The following SLC26A9 variants were observed in gnomAD, a reference collection of about 807,000 sequenced individuals.
SLC26A9 encodes the protein solute carrier family 26 member 9, also known as anion transporter/exchanger protein 9.
In SLC26A9, 46 loss-of-function variants were observed where a neutral mutation model predicts 87.1. The observed-to-expected ratio is 0.53, with a 90% CI of 0.42 to 0.67. The LOEUF (loss-of-function observed/expected upper bound fraction) is 0.67, where lower values mean the gene tolerates loss of function less well. Ranked by LOEUF, SLC26A9 falls within the 30% of genes least tolerant of loss-of-function variation. SLC26A9 has a pLI of 0.00. For synonymous variants in SLC26A9, 437 were observed against 409.1 expected, an observed-to-expected ratio of 1.07 and a Z score of -0.82; for missense variants, 927 against 1,018.3, an observed-to-expected ratio of 0.91 and a Z score of 1.22.
rs34820138 is a variant in SLC26A9 at position 205,931,465 on chromosome 1, G to GTTTT, written c.552+391_552+394dup. 1.0e-4 allele frequency among the ~76,000 whole-genome samples: 10 copies of GTTTT among 96,010 alleles called. 1 individual carries two copies. The highest frequency in any genetic ancestry group is 3.5e-4 in the African/African-American group (8 of 23,072). The allele number at this position is 96,010 out of a possible 152,430, so 63.0% of individuals were successfully genotyped here. ...GAGGGAGGAGGTGAGCCCTAACTTGGTTTTTTTTTTTTTTTTTTTGAGACG... is the reference window on the plus strand; with the variant it reads ...GAGGGAGGAGGTGAGCCCTAACTTGGTTTTTTTTTTTTTTTTTTTTTTTGAGACG... On this transcript the variant is annotated intron_variant, in intron 5 of 20. Transcript: ENST00000367135.
chr1:205,940,236 C>A (rs575621095), intron 1 of SLC26A9, among the ~76,000 whole-genome samples: 2 of 152,186 alleles, frequency 1.3e-5, no homozygotes, highest in South Asian at 4.1e-4. Flanking sequence ...AGAGGGGAAG[C>A]AAAGAGAAAA....
chr1:205,917,233 T>G, intron 20 of SLC26A9, 50 bp downstream of exon 20: 2 of 1,599,072 alleles, frequency 1.3e-6, no homozygotes. Flanking sequence ...GACCCCATCC[T>G]TCCCCTCTTC....
intron 5 of SLC26A9, among the ~76,000 whole-genome samples, chr1:205,930,803 C>G (rs907691059): frequency 2.0e-5 from 3 of 152,156 alleles, no homozygotes; most frequent in Non-Finnish European, 4.4e-5. Flanking sequence ...ATACCTTGTT[C>G]CTGGTTAAGT....
chr1:205,930,801 T>C (rs1659272468), intron 5 of SLC26A9, among the ~76,000 whole-genome samples: 1 of 152,180 alleles, frequency 6.6e-6, no homozygotes, highest in Admixed American at 6.5e-5. Context: ...GTATACCTTG[T>C]TCCTGGTTAA....
In SLC26A9 at chr1:205,928,551, A is replaced by T. The variant is rs1659174881; in HGVS notation, c.953+276T>A. Among the ~76,000 whole-genome samples, 4 of 152,248 alleles carry T rather than the reference A, an allele frequency of 2.6e-5. No individual in the cohort carries two copies. The South Asian group carries it at 8.3e-4, about 31-fold the overall frequency. On this transcript the variant is annotated intron_variant, in intron 8 of 20. Coordinates refer to ENST00000367135, the MANE Select transcript of SLC26A9 (RefSeq NM_052934.4). ...CATTAGAGCAAGGCAAAGAGCCAGC[A>T]AGCGGCTGTTCAGAGAGGCTTTGTT... is the stretch of plus-strand genomic sequence containing the variant.
rs376565646 is a variant in SLC26A9, at chr1:205,920,103, A to G, written c.2110+73T>C. On this transcript the variant is annotated intron_variant, in intron 18 of 20. Coordinates refer to ENST00000367135, the MANE Select transcript of SLC26A9 (RefSeq NM_052934.4). ...CTCGTTTCCAACCTCCTCACTATTC[A>G]GACCCCACCAACCTGTTCCTACCCC... is the stretch of plus-strand genomic sequence containing the variant. 25 of 1,576,030 alleles carry G rather than the reference A, an allele frequency of 1.6e-5. No homozygotes were observed. The African/African-American group carries it at 2.7e-4, about 17-fold the overall frequency.
intron 12 of SLC26A9, 118 bp from the exon 13 acceptor site, chr1:205,924,607 T>G: frequency 1.3e-6 from 1 of 785,580 alleles, no homozygotes; most frequent in South Asian, 2.0e-5. Flanking sequence ...TCTCTTCTCT[T>G]TTTTTTCTTT....
At position 205,914,502 on chromosome 1, in the gene SLC26A9, G is replaced by C. The variant is rs1053997901; in HGVS notation, c.*855C>G. 5.1e-6 allele frequency: 1 copy of C among 196,342 alleles called. No individual in the cohort carries two copies. The highest frequency in any genetic ancestry group is 1.1e-5 in the Non-Finnish European group (1 of 94,688). 12.2% of individuals were successfully genotyped at this position (196,342 alleles called of 1,614,324 possible). On this transcript the variant is annotated 3_prime_UTR_variant, in exon 21 of 21. Transcript: ENST00000367135. ...GAGGAATTCCCAAAAGTTTTGTGCA[G>C]AATAACTGGTATCTATTACTAGGAT... is the stretch of plus-strand genomic sequence containing the variant.
At chr1:205,932,543 C>T (rs1036510805) in intron 4 of SLC26A9, among the ~76,000 whole-genome samples, 159 bp downstream of exon 4, 4 of 152,162 alleles carry the variant, frequency 2.6e-5, no homozygotes, top group African/African-American at 4.8e-5. Flanking sequence ...CCAAGGTCAC[C>T]GAGGACCTGG....
In SLC26A9 at chr1:205,927,516, C is replaced by A; in HGVS notation, c.1191G>T (p.Val397=). ...CCTGGGATTTTCCTCCAGCTCCATCCACAGCCAGAGTGACAGAAAGCGCAC... is the reference window on the plus strand; with the variant it reads ...CCTGGGATTTTCCTCCAGCTCCATCAACAGCCAGAGTGACAGAAAGCGCAC... ...ICCALSVTLA[V]DGAGGKSQVA... Residue 397 remains valine (V), a synonymous_variant, in exon 10 of 21, where the codon GTG becomes GTT. Transcript: ENST00000367135. 6.2e-7 allele frequency: 1 copy of A among 1,614,110 alleles called. No homozygotes were observed. The highest frequency in any genetic ancestry group is 8.5e-7 in the Non-Finnish European group (1 of 1,180,004).
At chr1:205,930,114 A>C (rs758224650) in intron 5 of SLC26A9, 58 bp from the exon 6 acceptor site, 1 of 1,532,140 alleles carries the variant, frequency 6.5e-7, no homozygotes, top group Non-Finnish European at 8.9e-7. Flanking sequence ...AGCAGTTCCA[A>C]CGACCCGCCC....
Position 205,920,247 on chromosome 1 carries a change from G to A in SLC26A9, c.2056-17C>T. 6.2e-7 allele frequency: 1 copy of A among 1,613,876 alleles called. No individual in the cohort carries two copies. The highest frequency in any genetic ancestry group is 8.5e-7 in the Non-Finnish European group (1 of 1,179,814). ...GGAGCTCAGCTAGAAGTGTTGTTGG[G>A]GTAGGGAGGCAAAAGGAAAGGAATG... On this transcript the variant is annotated splice_polypyrimidine_tract_variant and intron_variant, in intron 17 of 20. Coordinates refer to ENST00000367135, the MANE Select transcript of SLC26A9 (RefSeq NM_052934.4).
At chr1:205,917,095 A>AT (rs1231075288) in intron 20 of SLC26A9, among the ~76,000 whole-genome samples, 188 bp downstream of exon 20, 2 of 140,008 alleles carry the variant, frequency 1.4e-5, no homozygotes, top group Non-Finnish European at 3.0e-5. Flanking sequence ...TTTGTCTCAA[A>AT]TTAAAAAAAA....
intron 13 of SLC26A9, among the ~76,000 whole-genome samples, chr1:205,923,937 C>T (rs1658954797): frequency 6.6e-6 from 1 of 152,136 alleles, no homozygotes; most frequent in South Asian, 2.1e-4. Flanking sequence ...TAGGATTCCC[C>T]CAACATTCAG....
intron 8 of SLC26A9, 122 bp downstream of exon 8, chr1:205,928,705 G>T (rs1659181398): frequency 3.5e-6 from 3 of 864,376 alleles, no homozygotes; most frequent in Non-Finnish European, 3.7e-6. Flanking sequence ...ATTCATACAT[G>T]GTCAGTGTCA....
Position 205,914,867 on chromosome 1 carries a change from G to A in SLC26A9, c.*490C>T. ...GAGTTGAGGCAGCTGGGGAAGGCAA[G>A]CCAGAGTCCTAACCAAGTTTATCCC... On this transcript the variant is annotated 3_prime_UTR_variant, in exon 21 of 21. Transcript: ENST00000367135. 1 of 1,584,934 alleles carries A rather than the reference G, an allele frequency of 6.3e-7. No individual in the cohort carries two copies. Among genetic ancestry groups the A allele is most frequent in the South Asian group, 1.2e-5 (1 of 85,150 alleles).
intron 1 of SLC26A9, among the ~76,000 whole-genome samples, chr1:205,942,204 C>G (rs930705270): frequency 6.6e-6 from 1 of 152,226 alleles, no homozygotes; most frequent in African/African-American, 2.4e-5. Flanking sequence ...AGGGTTTATA[C>G]AAATGAGACT....
intron 9 of SLC26A9, 94 bp from the exon 10 acceptor site, chr1:205,927,699 G>T: frequency 7.1e-7 from 1 of 1,402,010 alleles, no homozygotes; most frequent in Non-Finnish European, 9.8e-7. Flanking sequence ...GTGGGCCTAA[G>T]ACCTGAGAGT....
At chr1:205,923,288 G>A (rs1030036172) in intron 15 of SLC26A9, 47 bp downstream of exon 15, 3 of 1,611,954 alleles carry the variant, frequency 1.9e-6, no homozygotes, top group African/African-American at 1.3e-5. Context: ...TCCATTTTCC[G>A]GCCACTCTCT....
Sources: gnomAD v4.1 joint callset for allele counts (sites outside exome capture counted in the v4.1 genomes callset) on GRCh38, gnomAD v4.1.1 for gene constraint, MANE v1.5 for transcripts, NCBI Gene and HGNC (gene_info 2026-07-23, HGNC 2026-07-21) for gene names.